PDHB: variants seen among roughly 807,000 people sequenced by gnomAD.
PDHB encodes the protein pyruvate dehydrogenase E1 subunit beta.
Under a neutral mutation model 42.8 loss-of-function variants are expected in PDHB, and 17 were observed. The ratio of observed to expected loss-of-function variants is 0.40; its 90% CI spans 0.27 to 0.60. The LOEUF is 0.60. Among genes scored for constraint, PDHB ranks in the 20% least tolerant of loss-of-function variants. The probability of loss-of-function intolerance (pLI) is 0.46; values close to 1 mark genes in which losing one functional copy is unlikely to be tolerated. For missense variants in PDHB, 322 were observed against 451.3 expected (o/e 0.71, Z 2.60); for synonymous variants, 154 against 148.7 (o/e 1.04, Z -0.26).
chr3:58,427,893 A>C lies in PDHB; in HGVS notation c.*141T>G. On this transcript the variant is annotated 3_prime_UTR_variant, in exon 10 of 10. Transcript: ENST00000302746. ...GAGTTTTCCATACACAAACACATTT[A>C]AACTTCCCTGTACAAAAATACCTGC... is the stretch of plus-strand genomic sequence containing the variant. 1.4e-6 allele frequency: 1 copy of C among 718,446 alleles called. No homozygotes were observed. The highest frequency in any genetic ancestry group is 2.5e-6 in the Non-Finnish European group (1 of 403,920). 44.5% of individuals were successfully genotyped at this position (718,446 alleles called of 1,614,324 possible).
intron 2 of PDHB, 183 bp from the exon 3 acceptor site, chr3:58,432,167 T>C (rs960175509): frequency 1.9e-5 from 12 of 635,134 alleles, no homozygotes; most frequent in African/African-American, 9.1e-5. Context: ...GGTCTTTGCA[T>C]GTGTTAATGT....
At chr3:58,433,268 T>G in intron 2 of PDHB, 1 of 369,380 alleles carries the variant, frequency 2.7e-6, no homozygotes, top group Non-Finnish European at 5.0e-6. Context: ...TGGAAATGGA[T>G]GGTGGTTAAT....
At position 58,430,235 on chromosome 3, in the gene PDHB, A is replaced by G. The variant is rs35514615; in HGVS notation, c.593T>C (p.Val198Ala). Residue 198 changes from valine (V) to alanine (A), a missense_variant, in exon 7 of 10, where the codon GTG becomes GCG. Coordinates refer to ENST00000302746, the MANE Select transcript of PDHB (RefSeq NM_000925.4). ...KSAIRDNNPVVVLENELMYGV... is the reference protein window; with the variant it reads ...KSAIRDNNPVAVLENELMYGV... ...ATACATCAATTCATTCTCTAGCACCACCACTGAAAAACATAAATATTTAAA... is the reference window on the plus strand; with the variant it reads ...ATACATCAATTCATTCTCTAGCACCGCCACTGAAAAACATAAATATTTAAA... 1 of 1,581,926 alleles carries G rather than the reference A, an allele frequency of 6.3e-7. No homozygotes were observed. Among genetic ancestry groups the G allele is most frequent in the Non-Finnish European group, 8.7e-7 (1 of 1,152,442 alleles).
Position 58,429,770 on chromosome 3 carries a change from T to G in PDHB, c.730A>C (p.Arg244=), listed in dbSNP as rs755045002. The change falls in exon 8 of 10, where the codon AGA becomes CGA. Residue 244 remains arginine (R), a synonymous_variant. Coordinates refer to ENST00000302746, the MANE Select transcript of PDHB (RefSeq NM_000925.4). ...GCTTCTAAGCAGTGGCCCACAGGTCTTGAATGGGAAACCACAGTTATATGT... is the reference window on the plus strand; with the variant it reads ...GCTTCTAAGCAGTGGCCCACAGGTCGTGAATGGGAAACCACAGTTATATGT... ...GTHITVVSHS[R]PVGHCLEAAA... 5.0e-6 allele frequency: 8 copies of G among 1,611,992 alleles called. No homozygotes were observed. Among genetic ancestry groups the G allele is most frequent in the Non-Finnish European group, 6.8e-6 (8 of 1,178,102 alleles).
rs1449317913 is a variant in PDHB at position 58,430,657 on chromosome 3, C to G, written c.589G>C (p.Val197Leu). The change falls in exon 6 of 10, where the codon GTG (valine) becomes CTG (leucine). Residue 197 changes from valine to leucine, a missense_variant and splice_region_variant. This residue lies in a region of PDHB where 208 missense variants were observed against 285.0 expected (regional missense o/e 0.73). Coordinates refer to ENST00000302746, the MANE Select transcript of PDHB (RefSeq NM_000925.4). ...AAAACCAAAGGGTCCCTGTGCTGAC[C>G]TGGATTGTTATCCCGAATGGCTGAT... ...IKSAIRDNNP[V>L]VVLENELMYG... is the part of the protein sequence containing the mutation. The G allele has an allele frequency of 6.2e-7, 1 of 1,613,100 alleles. No homozygotes were observed. The highest frequency in any genetic ancestry group is 8.5e-7 in the Non-Finnish European group (1 of 1,179,826).
At chr3:58,428,242 CAG>C in intron 9 of PDHB, 63 bp from the exon 10 acceptor site, 19 of 1,487,204 alleles carry the variant, frequency 1.3e-5, no homozygotes, top group Non-Finnish European at 1.8e-5. Flanking sequence ...CACCTTGGCA[CAG>C]AGGTGTGGCT....
intron 7 of PDHB, 31 bp from the exon 8 acceptor site, chr3:58,429,830 C>A: frequency 7.7e-7 from 1 of 1,297,010 alleles, no homozygotes; most frequent in South Asian, 1.2e-5. Context: ...GATCAGAGAT[C>A]AGGTTGAAAC....
chr3:58,428,169 G>C lies in PDHB; in HGVS notation c.945C>G (p.Phe315Leu). The change falls in exon 10 of 10, where the codon TTC becomes TTG. Residue 315 changes from phenylalanine to leucine, a missense_variant. By Grantham distance (22) the Phe-to-Leu change is conservative (BLOSUM62 0). This residue lies in a region of PDHB where 208 missense variants were observed against 285.0 expected (regional missense o/e 0.73). Transcript: ENST00000302746. ...GAACAGCAGGAGCATCCAGGAAATT[G>C]AACGCAGGACCTAGGAGAAGGAAGG... ...ICARIMEGPA[F>L]NFLDAPAVRV... 1 of 1,614,056 alleles carries C rather than the reference G, an allele frequency of 6.2e-7. No individual in the cohort carries two copies. The highest frequency in any genetic ancestry group is 8.5e-7 in the Non-Finnish European group (1 of 1,179,904).
At position 58,433,824 on chromosome 3, in the gene PDHB, C is replaced by G. The variant is rs777786689; in HGVS notation, c.-15G>C. ...ACCGCCGCCATCTTGGTCGTGTCCT[C>G]TATCCGCTGCCAAACGACAACAGAG... On this transcript the variant is annotated 5_prime_UTR_variant, in exon 1 of 10. Coordinates refer to ENST00000302746, the MANE Select transcript of PDHB (RefSeq NM_000925.4). The G allele has an allele frequency of 1.9e-6, 3 of 1,608,434 alleles. No homozygotes were observed. The highest frequency in any genetic ancestry group is 1.7e-5 in the Admixed American group (1 of 59,526).
At position 58,428,604 on chromosome 3, in the gene PDHB, A is replaced by G; in HGVS notation, c.803T>C (p.Met268Thr). Reference sequence around the variant, plus strand: ...CATGTCCATTGGTCTAATGGTACGCATATTTATCACCTAAACAGGTAATAT... The same window carrying G: ...CATGTCCATTGGTCTAATGGTACGCGTATTTATCACCTAAACAGGTAATAT... ...KEGVECEVINMRTIRPMDMET... is the reference protein window; with the variant it reads ...KEGVECEVINTRTIRPMDMET... Residue 268 changes from methionine (M) to threonine (T), a missense_variant, in exon 9 of 10, where the codon ATG (methionine) becomes ACG (threonine). Around this residue, in one of 3 missense-constraint regions of PDHB, gnomAD observed 208 missense variants for 285.0 expected, o/e 0.73. Coordinates refer to ENST00000302746, the MANE Select transcript of PDHB (RefSeq NM_000925.4). 6.2e-7 allele frequency: 1 copy of G among 1,613,022 alleles called. No individual in the cohort carries two copies. Among genetic ancestry groups the G allele is most frequent in the Non-Finnish European group, 8.5e-7 (1 of 1,178,994 alleles).
Position 58,428,990 on chromosome 3 carries a change from G to A in PDHB, c.793-376C>T, listed in dbSNP as rs553284689. 2.0e-4 allele frequency among the ~76,000 whole-genome samples: 30 copies of A among 152,276 alleles called. 2 individuals are homozygous for A. Among genetic ancestry groups the A allele is most frequent in the Admixed American group, 1.8e-3 (27 of 15,292 alleles). On this transcript the variant is annotated intron_variant, in intron 8 of 9. Transcript: ENST00000302746. ...CTGCCTCAGCCTCTGGAGTAGCTGG[G>A]ATTACAGGCATAGACCACCACGCCT...
At chr3:58,429,345 G>A (rs1215094432) in intron 8 of PDHB, among the ~76,000 whole-genome samples, 1 of 152,086 alleles carries the variant, frequency 6.6e-6, no homozygotes, top group African/African-American at 2.4e-5. Flanking sequence ...GAAGGGTGAG[G>A]TGGGAGCATC....
At position 58,433,646 on chromosome 3, in the gene PDHB, C is replaced by T. The variant is rs745487481; in HGVS notation, c.81G>A (p.Ala27=). 22 of 1,611,696 alleles carry T rather than the reference C, an allele frequency of 1.4e-5. No individual in the cohort carries two copies. The highest frequency in any genetic ancestry group is 6.7e-5 in the Admixed American group (4 of 59,814). Residue 27 remains alanine (A), a synonymous_variant, in exon 2 of 10, where the codon GCG becomes GCA. Coordinates refer to ENST00000302746, the MANE Select transcript of PDHB (RefSeq NM_000925.4). ...CGCCTGTTACCTGCAGCGCAGCCGG[C>T]GCGGTCCAGTGAAAGCGCCTCTTCA... The part of the protein sequence containing the change: ...GLLKRRFHWT[A]PAALQVTVRD...
Position 58,430,821 on chromosome 3 carries a change from A to G in PDHB, c.425T>C (p.Ile142Thr). 1 of 1,614,180 alleles carries G rather than the reference A, an allele frequency of 6.2e-7. No individual in the cohort carries two copies. The highest frequency in any genetic ancestry group is 8.5e-7 in the Non-Finnish European group (1 of 1,179,984). ...YMSGGLQPVP[I>T]VFRGPNGASA... is the part of the protein sequence containing the mutation. ...GGCACCATTGGGCCCTCTGAAGACT[A>G]TAGGCACAGGCTGAAGGCCACCAGA... The change falls in exon 6 of 10, where the codon ATA (isoleucine) becomes ACA (threonine). Residue 142 changes from isoleucine to threonine, a missense_variant. Transcript: ENST00000302746.
chr3:58,432,219 C>A, intron 2 of PDHB: 1 of 536,632 alleles, frequency 1.9e-6, no homozygotes, highest in African/African-American at 1.9e-5. Context: ...AAATACTTTG[C>A]ATCCAGAATG....
In PDHB at chr3:58,431,562, T is replaced by C. The variant is rs1306163950; in HGVS notation, c.303+31A>G. On this transcript the variant is annotated intron_variant, in intron 5 of 9. Coordinates refer to ENST00000302746, the MANE Select transcript of PDHB (RefSeq NM_000925.4). This position sits in a 1 kb window ranked among gnomAD's most constrained non-coding sequence, Gnocchi z 4.4. ...AAAAAAAAGAAAACAAGAAATGTCT[T>C]TGGATAAGTTTCATAAAGAGTATTA... 6 of 1,548,222 alleles carry C rather than the reference T, an allele frequency of 3.9e-6. No individual in the cohort carries two copies. In the East Asian group the frequency reaches 9.0e-5, roughly 23 times the overall value.
intron 8 of PDHB, 124 bp downstream of exon 8, chr3:58,429,584 C>CA (rs2062902754): frequency 2.6e-6 from 2 of 757,076 alleles, no homozygotes; most frequent in Non-Finnish European, 4.8e-6. Flanking sequence ...CAGCTTTAAG[C>CA]AGAGACAGAA....
At chr3:58,432,702 A>G (rs1447150317) in intron 2 of PDHB, 1 of 151,954 alleles carries the variant, frequency 6.6e-6, no homozygotes, top group Non-Finnish European at 1.5e-5. Flanking sequence ...CTCAAAAAAA[A>G]AAAAGAAAAT....
At chr3:58,429,039 G>A (rs1411168434) in intron 8 of PDHB, among the ~76,000 whole-genome samples, 1 of 152,092 alleles carries the variant, frequency 6.6e-6, no homozygotes, top group African/African-American at 2.4e-5. Context: ...ATTTTTAGTA[G>A]AGATGGGGTT....
Sources: allele counts gnomAD v4.1 joint callset (sites outside exome capture counted in the v4.1 genomes callset), GRCh38; gene constraint gnomAD v4.1.1; regional missense constraint gnomAD v4.1.1; non-coding constraint Gnocchi (gnomAD v3.1); transcripts MANE v1.5; gene names NCBI Gene and HGNC (gene_info 2026-07-23, HGNC 2026-07-21).